The following TAOK3 variants were observed in gnomAD, a reference collection of about 807,000 sequenced individuals.
TAOK3 encodes the protein serine/threonine-protein kinase TAO3.
Under a neutral mutation model 120.4 loss-of-function variants are expected in TAOK3, and 40 were observed. The observed-to-expected ratio is 0.33, with a 90% CI of 0.26 to 0.43. TAOK3 has a LOEUF of 0.43. Among genes scored for constraint, TAOK3 ranks in the 20% least tolerant of loss-of-function variants. The pLI is 1.00. For missense variants in TAOK3, 821 were observed against 1,112.1 expected (o/e 0.74, Z 3.72); for synonymous variants, 355 against 387.5 (o/e 0.92, Z 0.99).
In TAOK3 at chr12:118,214,100, C is replaced by G; in HGVS notation, c.654G>C (p.Lys218Asn). ...GITCIELAER[K>N]PPLFNMNAMS... ...TTGCATTCATGTTGAAAAGGGGCGG[C>G]TTCCGTTCCGCTGGAAGAGGAAAGA... The change falls in exon 10 of 21, where the codon AAG becomes AAC. Residue 218 changes from lysine to asparagine, a missense_variant. Around this residue, in one of 2 missense-constraint regions of TAOK3, gnomAD observed 467 missense variants for 540.0 expected, o/e 0.86. Coordinates refer to ENST00000392533, the MANE Select transcript of TAOK3 (RefSeq NM_016281.4). The G allele has an allele frequency of 6.2e-7, 1 of 1,608,758 alleles. No homozygotes were observed. The highest frequency in any genetic ancestry group is 1.1e-5 in the South Asian group (1 of 89,816).
intron 19 of TAOK3, among the ~76,000 whole-genome samples, chr12:118,152,927 T>G (rs61943525): frequency 0.094 from 14,367 of 152,306 alleles, 860 homozygotes; most frequent in Non-Finnish European, 0.13. Context: ...CAACTGATCA[T>G]GTCCTTATTT....
rs868607623 is a variant in TAOK3 at position 118,246,317 on chromosome 12, G to C, written c.121-1352C>G. 8.8e-6 allele frequency: 14 copies of C among 1,597,294 alleles called. 1 individual carries two copies. The Middle Eastern group carries it at 2.3e-3, about 265-fold the overall frequency. On this transcript the variant is annotated intron_variant, in intron 3 of 20. Coordinates refer to ENST00000392533, the MANE Select transcript of TAOK3 (RefSeq NM_016281.4). ...TCAAGGACATGAAGATCAAGTCCCT[G>C]GAGGAGATCTATCTCTTCTCCCTGC...
intron 3 of TAOK3, chr12:118,247,022 A>C: frequency 1.2e-6 from 1 of 804,510 alleles, no homozygotes; most frequent in Non-Finnish European, 1.9e-6. Context: ...TTATAAAAGA[A>C]TTTATACCAG....
intron 1 of TAOK3, among the ~76,000 whole-genome samples, chr12:118,302,489 GAAAAT>G (rs2042915846): frequency 6.6e-6 from 1 of 152,098 alleles, no homozygotes. Context: ...GTATAATAGG[GAAAAT>G]AAAATAAAGT....
chr12:118,155,701 T>C (rs755349987), intron 19 of TAOK3, among the ~76,000 whole-genome samples: 1 of 152,164 alleles, frequency 6.6e-6, no homozygotes, highest in Non-Finnish European at 1.5e-5. Context: ...TCAAGGGTAA[T>C]CATTGACCTG....
At chr12:118,168,012 G>A (rs1037011994) in intron 17 of TAOK3, among the ~76,000 whole-genome samples, 1 of 151,976 alleles carries the variant, frequency 6.6e-6, no homozygotes, top group East Asian at 1.9e-4. Context: ...TATTTCTATT[G>A]CTTGCAAATC....
chr12:118,195,490 C>G (rs911824121), intron 13 of TAOK3, among the ~76,000 whole-genome samples: 1 of 152,128 alleles, frequency 6.6e-6, no homozygotes, highest in Non-Finnish European at 1.5e-5. Flanking sequence ...TGTGAATAAT[C>G]AAGAATTGAG....
chr12:118,238,630 A>T (rs2040116982), intron 6 of TAOK3, among the ~76,000 whole-genome samples: 1 of 149,204 alleles, frequency 6.7e-6, no homozygotes, highest in Non-Finnish European at 1.5e-5. Flanking sequence ...ATCAACAGTG[A>T]TTTAATTTTT....
chr12:118,334,840 C>T (rs1362290688), intron 1 of TAOK3, among the ~76,000 whole-genome samples: 1 of 150,788 alleles, frequency 6.6e-6, no homozygotes, highest in East Asian at 2.0e-4. Flanking sequence ...TGTGCCCTTG[C>T]ACTCCAGCTT....
intron 3 of TAOK3, among the ~76,000 whole-genome samples, chr12:118,253,938 A>G (rs1360164582): frequency 6.6e-6 from 1 of 151,976 alleles, no homozygotes; most frequent in Non-Finnish European, 1.5e-5. Flanking sequence ...AATCCCAGCT[A>G]TGTGGAAGGC....
At chr12:118,268,137 G>T (rs1593355861) in intron 1 of TAOK3, among the ~76,000 whole-genome samples, 1 of 152,106 alleles carries the variant, frequency 6.6e-6, no homozygotes, top group Non-Finnish European at 1.5e-5. Flanking sequence ...TCTTATGGAA[G>T]AGCTGCAATT....
intron 1 of TAOK3, among the ~76,000 whole-genome samples, chr12:118,318,412 T>C (rs1425184452): frequency 6.6e-6 from 1 of 152,150 alleles, no homozygotes; most frequent in Non-Finnish European, 1.5e-5. Flanking sequence ...TGCCTCAGCC[T>C]CCCAAAGTGC....
chr12:118,303,462 C>T (rs1032044061), intron 1 of TAOK3, among the ~76,000 whole-genome samples: 1 of 152,188 alleles, frequency 6.6e-6, no homozygotes, highest in Non-Finnish European at 1.5e-5. Context: ...TTAATCAACT[C>T]CATTACAATA....
chr12:118,371,503 T>C lies in TAOK3; in HGVS notation c.-194+1145A>G, dbSNP rs997287891. 6.9e-6 allele frequency among the ~76,000 whole-genome samples: 1 copy of C among 144,488 alleles called. No individual in the cohort carries two copies. The highest frequency in any genetic ancestry group is 1.5e-5 in the Non-Finnish European group (1 of 66,172). The allele number at this position is 144,488 out of a possible 152,430, so 94.8% of individuals were successfully genotyped here. A position where few individuals can be genotyped will look rare whatever the true frequency, so the allele number is the denominator to read the frequency against. The stretch of plus-strand genomic sequence containing the variant: ...CAGCCCATGCGTTTCACTTCAGAGA[T>C]GTTTCATGACATAATCCGGCTCCGG... On this transcript the variant is annotated intron_variant, in intron 1 of 20. Transcript: ENST00000392533. The surrounding 1 kb of genome is among the most constrained non-coding windows in gnomAD (Gnocchi z 5.5).
In TAOK3 at chr12:118,248,501, A is replaced by T. The variant is rs763776896; in HGVS notation, c.121-3536T>A. ...CAGTATTACAATAAAGGTTAAAGGG[A>T]CTATATCTGAAAAGTAGATATTTGA... On this transcript the variant is annotated intron_variant, in intron 3 of 20. Coordinates refer to ENST00000392533, the MANE Select transcript of TAOK3 (RefSeq NM_016281.4). Among the ~76,000 whole-genome samples the T allele has an allele frequency of 5.3e-5, 8 of 152,162 alleles. No individual in the cohort carries two copies. The East Asian group carries it at 7.7e-4, about 15-fold the overall frequency.
At chr12:118,198,840 G>C in intron 13 of TAOK3, 1 of 578,196 alleles carries the variant, frequency 1.7e-6, no homozygotes, top group South Asian at 2.0e-5. Context: ...GGACATCAGA[G>C]TAATGAGAGA....
rs769038974 is a variant in TAOK3 at position 118,233,772 on chromosome 12, A to G, written c.552-7T>C. On this transcript the variant is annotated splice_region_variant and splice_polypyrimidine_tract_variant and intron_variant, in intron 8 of 20. Coordinates refer to ENST00000392533, the MANE Select transcript of TAOK3 (RefSeq NM_016281.4). ...GATCACCTCTGGAGCCATCCTACCAAACATAAGGTACAAAACTCAAGTTGG... is the reference window on the plus strand; with the variant it reads ...GATCACCTCTGGAGCCATCCTACCAGACATAAGGTACAAAACTCAAGTTGG... 5 of 1,591,042 alleles carry G rather than the reference A, an allele frequency of 3.1e-6. No homozygotes were observed. In the South Asian group the frequency reaches 5.8e-5, roughly 18 times the overall value.
rs557516951 is a variant in TAOK3, at chr12:118,210,737, T to C, written c.819+2177A>G. On this transcript the variant is annotated intron_variant, in intron 11 of 20. Transcript: ENST00000392533. Reference sequence around the variant, plus strand: ...TAACATATATTTATTTCTTTTCTTTTTTCTTTTTTTTTTTTTTTTGAGACC... The same window carrying C: ...TAACATATATTTATTTCTTTTCTTTCTTCTTTTTTTTTTTTTTTTGAGACC... 1.1e-4 allele frequency among the ~76,000 whole-genome samples: 17 copies of C among 149,346 alleles called. No homozygotes were observed. In the East Asian group the frequency reaches 3.2e-3, roughly 28 times the overall value.
Position 118,151,174 on chromosome 12 carries a change from T to C in TAOK3, c.2536-16A>G, listed in dbSNP as rs957220010. 12 of 1,610,214 alleles carry C rather than the reference T, an allele frequency of 7.5e-6. No homozygotes were observed. Among genetic ancestry groups the C allele is most frequent in the African/African-American group, 1.3e-5 (1 of 74,756 alleles). Reference sequence around the variant, plus strand: ...CCTCTTCAATCTGAAAGAAGCACGATGCAGTTCTTAATGGAAAGCATCTCC... The same window carrying C: ...CCTCTTCAATCTGAAAGAAGCACGACGCAGTTCTTAATGGAAAGCATCTCC... On this transcript the variant is annotated splice_polypyrimidine_tract_variant and intron_variant, in intron 20 of 20. Coordinates refer to ENST00000392533, the MANE Select transcript of TAOK3 (RefSeq NM_016281.4).
Sources: gnomAD v4.1 joint callset for allele counts (sites outside exome capture counted in the v4.1 genomes callset) on GRCh38, gnomAD v4.1.1 for gene constraint, gnomAD v4.1.1 regional missense constraint, Gnocchi (gnomAD v3.1) non-coding constraint, MANE v1.5 for transcripts, NCBI Gene and HGNC (gene_info 2026-07-23, HGNC 2026-07-21) for gene names.